SLC38A6: variants seen among roughly 807,000 people sequenced by gnomAD.
SLC38A6 encodes N system amino acid transporter NAT-1.
In SLC38A6, 73 loss-of-function variants were observed where a neutral mutation model predicts 65.0. The observed-to-expected ratio is 1.12, with a 90% CI of 0.93 to 1.37. The LOEUF (loss-of-function observed/expected upper bound fraction) is 1.37, where lower values mean the gene tolerates loss of function less well. Ranked by LOEUF, SLC38A6 falls within the 40% of genes most tolerant of loss-of-function variation. The pLI is 0.00. For missense variants in SLC38A6, 561 were observed against 531.1 expected, an observed-to-expected ratio of 1.06 and a Z score of -0.55; for synonymous variants, 183 against 178.8, an observed-to-expected ratio of 1.02 and a Z score of -0.19.
chr14:61,083,403 G>T, intron 16 of SLC38A6: 13 of 1,187,858 alleles, frequency 1.1e-5, no homozygotes, highest in Non-Finnish European at 1.5e-5. Flanking sequence ...GCACTCAATT[G>T]TGTTCCAACC....
chr14:61,076,242 G>C (rs529008321), intron 15 of SLC38A6, among the ~76,000 whole-genome samples: 1 of 152,256 alleles, frequency 6.6e-6, no homozygotes, highest in Admixed American at 6.5e-5. Context: ...AAAAAGAGTA[G>C]AAACAAATTT....
Position 61,065,496 on chromosome 14 carries a change from A to G in SLC38A6, c.1291-13314A>G, listed in dbSNP as rs150295550. On this transcript the variant is annotated intron_variant, in intron 15 of 16. Transcript: ENST00000354886. ...TCATCTTTGCAAAATCTCCTGTTCT[A>G]TATTTACCTACATATAAAGCATCTA... Among the ~76,000 whole-genome samples, 26 of 152,300 alleles carry G rather than the reference A, an allele frequency of 1.7e-4. No homozygotes were observed. In the East Asian group the frequency reaches 4.8e-3, roughly 28 times the overall value.
intron 3 of SLC38A6, among the ~76,000 whole-genome samples, chr14:61,005,225 A>G (rs1323454869): frequency 1.3e-5 from 2 of 151,876 alleles, no homozygotes; most frequent in African/African-American, 2.4e-5. Context: ...AGCCAATATC[A>G]TACTGAATGG....
chr14:61,025,476 G>C (rs1434298256), intron 5 of SLC38A6, among the ~76,000 whole-genome samples: 1 of 152,130 alleles, frequency 6.6e-6, no homozygotes, highest in Non-Finnish European at 1.5e-5. Flanking sequence ...GACTTGTCTA[G>C]AAATTCTAGA....
Position 61,012,017 on chromosome 14 carries a change from C to CT in SLC38A6, c.311-3880dup, listed in dbSNP as rs548465690. 2.7e-4 allele frequency among the ~76,000 whole-genome samples: 41 copies of CT among 152,110 alleles called. 1 individual carries two copies. The South Asian group carries it at 8.5e-3, about 32-fold the overall frequency. On this transcript the variant is annotated intron_variant, in intron 3 of 15. Coordinates refer to ENST00000267488, the MANE Select transcript of SLC38A6 (RefSeq NM_153811.3). The stretch of plus-strand genomic sequence containing the variant: ...GGCTGTGATTGCATCTGGTCCTGGA[C>CT]TTTTTTTGGTTGGTAGGCTATTAAT...
chr14:61,069,342 T>A (rs2043142973), intron 15 of SLC38A6, among the ~76,000 whole-genome samples: 1 of 152,020 alleles, frequency 6.6e-6, no homozygotes, highest in African/African-American at 2.4e-5. Context: ...TCCCAGATAA[T>A]GGCTCACTGC....
At chr14:61,023,692 G>T (rs2040465578) in intron 5 of SLC38A6, among the ~76,000 whole-genome samples, 1 of 150,638 alleles carries the variant, frequency 6.6e-6, no homozygotes, top group East Asian at 1.9e-4. Context: ...CTTATTCTTT[G>T]TAACATTTAA....
At chr14:61,082,412 A>G (rs1475165246) in intron 16 of SLC38A6, among the ~76,000 whole-genome samples, 1 of 152,124 alleles carries the variant, frequency 6.6e-6, no homozygotes. Flanking sequence ...TTCTTGTTCC[A>G]TGAGTCTCTG....
At chr14:61,045,885 CAA>C (rs1011289822) in intron 11 of SLC38A6, among the ~76,000 whole-genome samples, 180 bp from the exon 12 acceptor site, 14 of 115,618 alleles carry the variant, frequency 1.2e-4, no homozygotes, top group African/African-American at 9.6e-5. Context: ...GACTCTGTCT[CAA>C]AAAAAAAAAA....
At chr14:61,006,839 C>A (rs1014203324) in intron 3 of SLC38A6, among the ~76,000 whole-genome samples, 10 of 152,000 alleles carry the variant, frequency 6.6e-5, no homozygotes, top group South Asian at 2.1e-4. Flanking sequence ...ACCCAAAGGA[C>A]TATAAATCAT....
chr14:60,982,479 T>G, intron 1 of SLC38A6, 29 bp from the exon 2 acceptor site: 1 of 1,595,602 alleles, frequency 6.3e-7, no homozygotes. Context: ...GTCCAAACAT[T>G]TAACACTACT....
intron 6 of SLC38A6, among the ~76,000 whole-genome samples, chr14:61,031,964 T>C (rs1163344465): frequency 1.3e-5 from 2 of 151,880 alleles, no homozygotes; most frequent in African/African-American, 2.4e-5. Flanking sequence ...ATAATGGGGG[T>C]ACCAATATTG....
At chr14:61,010,486 G>C (rs926666738) in intron 3 of SLC38A6, among the ~76,000 whole-genome samples, 9 of 152,146 alleles carry the variant, frequency 5.9e-5, no homozygotes, top group African/African-American at 9.7e-5. Context: ...GTATTGCCTA[G>C]GTTTTCTTCT....
At position 61,013,896 on chromosome 14, in the gene SLC38A6, C is replaced by T. The variant is rs543149054; in HGVS notation, c.311-2008C>T. 1.1e-4 allele frequency among the ~76,000 whole-genome samples: 17 copies of T among 152,168 alleles called. 1 individual carries two copies. In the South Asian group the frequency reaches 2.5e-3, roughly 22 times the overall value. On this transcript the variant is annotated intron_variant, in intron 3 of 15. Transcript: ENST00000267488. ...CTCTTCTCGTGGAGTATGTTAGTGGCGTTCTCTGTATTTCCTGAATGTGAA... is the reference window on the plus strand; with the variant it reads ...CTCTTCTCGTGGAGTATGTTAGTGGTGTTCTCTGTATTTCCTGAATGTGAA...
Position 61,037,185 on chromosome 14 carries a change from A to G in SLC38A6, c.565+44A>G, listed in dbSNP as rs765128914. 5 of 1,410,784 alleles carry G rather than the reference A, an allele frequency of 3.5e-6. No individual in the cohort carries two copies. The African/African-American group carries it at 7.3e-5, about 21-fold the overall frequency. 87.4% of individuals were successfully genotyped at this position (1,410,784 alleles called of 1,614,324 possible). A position where few individuals can be genotyped will look rare whatever the true frequency, so the allele number is the denominator to read the frequency against. On this transcript the variant is annotated intron_variant, in intron 7 of 15. Coordinates refer to ENST00000267488, the MANE Select transcript of SLC38A6 (RefSeq NM_153811.3). Reference sequence around the variant, plus strand: ...CATTATTTGTTTAGAAAAAGGAAAGAAGGGAGGGAGGGAAAGAGAGACAAA... The same window carrying G: ...CATTATTTGTTTAGAAAAAGGAAAGGAGGGAGGGAGGGAAAGAGAGACAAA...
In SLC38A6 at chr14:60,986,559, A is replaced by G. The variant is rs1401656044; in HGVS notation, c.310+1756A>G. On this transcript the variant is annotated intron_variant, in intron 3 of 15. Coordinates refer to ENST00000267488, the MANE Select transcript of SLC38A6 (RefSeq NM_153811.3). The stretch of plus-strand genomic sequence containing the variant: ...GAATGTGCAGACAGATGAAAATACT[A>G]GGAAGCAGTACAAATATTAATCCTA... Among the ~76,000 whole-genome samples the G allele has an allele frequency of 2.6e-5, 4 of 152,244 alleles. No individual in the cohort carries two copies. In the East Asian group the frequency reaches 5.8e-4, roughly 22 times the overall value.
chr14:61,011,166 A>T (rs532105146), intron 3 of SLC38A6, among the ~76,000 whole-genome samples: 6 of 152,068 alleles, frequency 3.9e-5, no homozygotes, highest in Non-Finnish European at 7.3e-5. Flanking sequence ...TTCACTCATG[A>T]TTTGGCTCTC....
At chr14:61,061,815 G>A (rs1054453086) in intron 15 of SLC38A6, among the ~76,000 whole-genome samples, 11 of 75,892 alleles carry the variant, frequency 1.4e-4, no homozygotes, top group Middle Eastern at 6.3e-3. Context: ...CTAAGCATTC[G>A]TGTGCAGGTT....
chr14:60,997,105 T>A (rs574302764), intron 3 of SLC38A6, among the ~76,000 whole-genome samples: 1 of 152,200 alleles, frequency 6.6e-6, no homozygotes, highest in Admixed American at 6.5e-5. Context: ...ATCTACAGAT[T>A]GGAGTTGTGA....
Sources: allele counts gnomAD v4.1 joint callset (sites outside exome capture counted in the v4.1 genomes callset), GRCh38; gene constraint gnomAD v4.1.1; transcripts MANE v1.5; gene names NCBI Gene and HGNC (gene_info 2026-07-23, HGNC 2026-07-21).